Variants in RALGAPB observed in about 807,000 individuals in gnomAD.
The protein encoded by RALGAPB is Ral GTPase activating protein non-catalytic subunit beta.
A neutral mutation model predicts 161.1 loss-of-function variants in RALGAPB; 25 were observed. The ratio of observed to expected loss-of-function variants is 0.16; its 90% CI spans 0.11 to 0.22. The LOEUF (loss-of-function observed/expected upper bound fraction) is 0.22, where lower values mean the gene tolerates loss of function less well. RALGAPB is among the 10% of genes least tolerant of loss of function. The pLI is 1.00. For missense variants in RALGAPB, 1,391 were observed against 1,815.2 expected (o/e 0.77, Z 4.25); for synonymous variants, 629 against 626.1 (o/e 1.00, Z -0.07).
At chr20:38,566,723 A>G (rs2088013618) in intron 25 of RALGAPB, among the ~76,000 whole-genome samples, 1 of 152,250 alleles carries the variant, frequency 6.6e-6, no homozygotes, top group African/African-American at 2.4e-5. Flanking sequence ...AATAATTCAG[A>G]GAGTAATAAT....
chr20:38,500,842 G>A lies in RALGAPB; in HGVS notation c.740+1209G>A, dbSNP rs535908188. ...TATTTATGATATGGAGAAAGTTTGA[G>A]TGGGCTAGATAGGAGATCAAACCAG... On this transcript the variant is annotated intron_variant, in intron 5 of 29. Transcript: ENST00000262879. Among the ~76,000 whole-genome samples, 176 of 152,282 alleles carry A rather than the reference G, an allele frequency of 1.2e-3. 1 individual carries two copies. Among genetic ancestry groups the A allele is most frequent in the African/African-American group, 4.0e-3 (166 of 41,552 alleles).
chr20:38,538,336 A>G (rs1050774574), intron 16 of RALGAPB: 4 of 218,442 alleles, frequency 1.8e-5, no homozygotes, highest in African/African-American at 9.3e-5. Context: ...CCCAAGTGGT[A>G]AGATTGGCCT....
rs1217243424 is a variant in RALGAPB at position 38,577,649 on chromosome 20, TCCTCTTGAGAC to T, written c.*2689_*2699del. ...CTAGCTTTCCTTTTTGTCTAGGGCT[TCCTCTTGAGAC>T]CCTCTTCCATCCATTGGGCCTTTGA... On this transcript the variant is annotated 3_prime_UTR_variant, in exon 30 of 30. Transcript: ENST00000262879. The T allele has an allele frequency of 3.3e-5, 5 of 151,612 alleles. No homozygotes were observed. Among genetic ancestry groups the T allele is most frequent in the African/African-American group, 1.2e-4 (5 of 41,068 alleles). 9.4% of individuals were successfully genotyped at this position (151,612 alleles called of 1,614,324 possible). A position where few individuals can be genotyped will look rare whatever the true frequency, so the allele number is the denominator to read the frequency against.
At chr20:38,485,670 G>A (rs2085092312) in intron 1 of RALGAPB, among the ~76,000 whole-genome samples, 1 of 151,844 alleles carries the variant, frequency 6.6e-6, no homozygotes, top group Non-Finnish European at 1.5e-5. Flanking sequence ...CAGGTGATCT[G>A]CCCGCCTCGG....
chr20:38,498,812 A>G lies in RALGAPB; in HGVS notation c.554-635A>G, dbSNP rs115386370. Among the ~76,000 whole-genome samples, 1,088 of 152,290 alleles carry G rather than the reference A, an allele frequency of 7.1e-3. 18 individuals carry two copies. Among genetic ancestry groups the G allele is most frequent in the African/African-American group, 0.024 (987 of 41,556 alleles). On this transcript the variant is annotated intron_variant, in intron 4 of 29. Coordinates refer to ENST00000262879, the MANE Select transcript of RALGAPB (RefSeq NM_020336.4). ...CATGGTTAAGGCTCTGTCCTTCCCA[A>G]CACCAGTCCTTTTGCTCCATTATTT... is the stretch of plus-strand genomic sequence containing the variant.
chr20:38,508,709 C>G (rs2085844571), intron 5 of RALGAPB, among the ~76,000 whole-genome samples: 4 of 152,156 alleles, frequency 2.6e-5, no homozygotes, highest in South Asian at 2.1e-4. Flanking sequence ...ACAGCATATA[C>G]TCTTCTTCCC....
intron 28 of RALGAPB, 25 bp downstream of exon 28, chr20:38,570,872 A>G (rs1208946424): frequency 6.8e-7 from 1 of 1,479,502 alleles, no homozygotes; most frequent in Admixed American, 1.8e-5. Flanking sequence ...CTTGAAGTTC[A>G]TCAGCGTGTC....
Position 38,509,230 on chromosome 20 carries a change from A to C in RALGAPB, c.872+22A>C, listed in dbSNP as rs757504954. 21 of 1,606,662 alleles carry C rather than the reference A, an allele frequency of 1.3e-5. No homozygotes were observed. In the South Asian group the frequency reaches 2.3e-4, roughly 18 times the overall value. ...TAAGGTATTGTTATTTTATTATTTC[A>C]TGTGCCATTTACCTAGTAAGTATCT... On this transcript the variant is annotated intron_variant, in intron 6 of 29. Coordinates refer to ENST00000262879, the MANE Select transcript of RALGAPB (RefSeq NM_020336.4).
chr20:38,529,413 G>A (rs1002993397), intron 13 of RALGAPB, among the ~76,000 whole-genome samples: 17 of 151,970 alleles, frequency 1.1e-4, no homozygotes, highest in African/African-American at 3.4e-4. Flanking sequence ...AGCTACTTGG[G>A]AGGCTGAGAT....
In RALGAPB at chr20:38,532,840, A is replaced by G. The variant is rs2086697684; in HGVS notation, c.2226A>G (p.Gln742=). 5 of 1,614,198 alleles carry G rather than the reference A, an allele frequency of 3.1e-6. No homozygotes were observed. Among genetic ancestry groups the G allele is most frequent in the Non-Finnish European group, 4.2e-6 (5 of 1,180,022 alleles). ...PTTPDSERPA[Q]ALLRDYALNT... Reference sequence around the variant, plus strand: ...CTCCCGATAGTGAGAGACCTGCTCAAGCTCTCTTAAGAGATTATGGTTAGT... The same window carrying G: ...CTCCCGATAGTGAGAGACCTGCTCAGGCTCTCTTAAGAGATTATGGTTAGT... The change falls in exon 15 of 30, where the codon CAA becomes CAG. Residue 742 remains glutamine, a synonymous_variant. Coordinates refer to ENST00000262879, the MANE Select transcript of RALGAPB (RefSeq NM_020336.4).
At chr20:38,562,277 C>T (rs926417758) in intron 23 of RALGAPB, among the ~76,000 whole-genome samples, 1 of 152,148 alleles carries the variant, frequency 6.6e-6, no homozygotes, top group Non-Finnish European at 1.5e-5. Context: ...TACTTCACAA[C>T]CATTATTATT....
intron 19 of RALGAPB, chr20:38,548,251 T>G (rs2087241108): frequency 1.3e-5 from 2 of 157,576 alleles, no homozygotes; most frequent in South Asian, 1.9e-4. Context: ...GATATAACAC[T>G]AACACTGCAA....
At chr20:38,565,818 C>T (rs745409750) in intron 25 of RALGAPB, among the ~76,000 whole-genome samples, 1 of 152,064 alleles carries the variant, frequency 6.6e-6, no homozygotes, top group African/African-American at 2.4e-5. Flanking sequence ...CTTTTCTATT[C>T]CCATATGAGA....
chr20:38,509,278 G>A (rs2085862978), intron 6 of RALGAPB, 70 bp downstream of exon 6: 1 of 1,513,082 alleles, frequency 6.6e-7, no homozygotes, highest in Admixed American at 1.8e-5. Flanking sequence ...CATGCTGTAA[G>A]TCTCTTGTTT....
intron 25 of RALGAPB, among the ~76,000 whole-genome samples, chr20:38,566,545 C>T (rs1239595865): frequency 1.3e-5 from 2 of 152,152 alleles, no homozygotes; most frequent in African/African-American, 2.4e-5. Flanking sequence ...AACTCAGCTT[C>T]CTCCTATTTC....
rs1264223169 is a variant in RALGAPB, at chr20:38,521,444, G to A, written c.1418-53G>A. 5.6e-6 allele frequency: 9 copies of A among 1,604,830 alleles called. No individual in the cohort carries two copies. The African/African-American group carries it at 1.1e-4, about 19-fold the overall frequency. Reference sequence around the variant, plus strand: ...TTGATCTTTGTGTCCAGGGTCCCATGAGCCTACGTGGCATATTGCAAATAT... The same window carrying A: ...TTGATCTTTGTGTCCAGGGTCCCATAAGCCTACGTGGCATATTGCAAATAT... On this transcript the variant is annotated intron_variant, in intron 9 of 29. Coordinates refer to ENST00000262879, the MANE Select transcript of RALGAPB (RefSeq NM_020336.4).
At chr20:38,572,356 G>C (rs1181960950) in intron 28 of RALGAPB, among the ~76,000 whole-genome samples, 1 of 152,162 alleles carries the variant, frequency 6.6e-6, no homozygotes, top group Non-Finnish European at 1.5e-5. Context: ...ATAACTCTAA[G>C]AGTTCAACAG....
At chr20:38,492,747 G>A (rs2085315367) in intron 2 of RALGAPB, among the ~76,000 whole-genome samples, 183 bp from the exon 3 acceptor site, 2 of 152,160 alleles carry the variant, frequency 1.3e-5, no homozygotes, top group South Asian at 4.1e-4. Flanking sequence ...TAAAGCTTTT[G>A]CTTGGGAAAT....
intron 25 of RALGAPB, among the ~76,000 whole-genome samples, chr20:38,566,333 G>A (rs1049043867): frequency 2.6e-5 from 4 of 152,140 alleles, no homozygotes; most frequent in Non-Finnish European, 5.9e-5. Context: ...TCCCGTCAAG[G>A]TTCTGGTTTA....
Sources: gnomAD v4.1 joint callset for allele counts (sites outside exome capture counted in the v4.1 genomes callset) on GRCh38, gnomAD v4.1.1 for gene constraint, MANE v1.5 for transcripts, NCBI Gene and HGNC (gene_info 2026-07-23, HGNC 2026-07-21) for gene names.